Variants in CACNA1G observed in about 807,000 individuals in gnomAD.
CACNA1G encodes calcium voltage-gated channel subunit alpha1 G.
A neutral mutation model predicts 219.4 loss-of-function variants in CACNA1G; 67 were observed. That is an observed-to-expected ratio of 0.31 (90% CI 0.25 to 0.37). The LOEUF is 0.37. Among genes scored for constraint, CACNA1G ranks in the 10% least tolerant of loss-of-function variants. CACNA1G has a pLI of 1.00. For synonymous variants in CACNA1G, 1,296 were observed against 1,345.3 expected (o/e 0.96, Z 0.80); for missense variants, 2,380 against 3,231.4 (o/e 0.74, Z 6.39).
intron 9 of CACNA1G, among the ~76,000 whole-genome samples, chr17:50,588,281 C>T (rs951975320): frequency 6.6e-6 from 1 of 152,202 alleles, no homozygotes; most frequent in Non-Finnish European, 1.5e-5. Context: ...GTTCTGAATC[C>T]TGACTGTCTA....
intron 26 of CACNA1G, among the ~76,000 whole-genome samples, chr17:50,612,489 A>T (rs1235180076): frequency 3.3e-5 from 5 of 152,146 alleles, no homozygotes; most frequent in Non-Finnish European, 1.5e-5. Flanking sequence ...TGTGGCGTCG[A>T]CCTTCACTCA....
Position 50,621,699 on chromosome 17 carries a change from G to A in CACNA1G, c.5965G>A (p.Glu1989Lys). The A allele has an allele frequency of 6.2e-7, 1 of 1,614,016 alleles. No homozygotes were observed. The highest frequency in any genetic ancestry group is 8.5e-7 in the Non-Finnish European group (1 of 1,179,884). ...AEMEALSLTS[E>K]IVSEPSCSLA... Reference sequence around the variant, plus strand: ...GATGGAGGCTCTGTCTCTGACGTCAGAGATTGTGTCTGAACCGTCCTGCTC... The same window carrying A: ...GATGGAGGCTCTGTCTCTGACGTCAAAGATTGTGTCTGAACCGTCCTGCTC... The change falls in exon 35 of 38, where the codon GAG becomes AAG. Residue 1989 changes from glutamate (E) to lysine (K), a missense_variant. Glu to Lys is a moderately conservative substitution (Grantham distance 56, BLOSUM62 1). Coordinates refer to ENST00000359106, the MANE Select transcript of CACNA1G (RefSeq NM_018896.5). The surrounding 1 kb of genome is among the most constrained non-coding windows in gnomAD (Gnocchi z 4.6).
chr17:50,623,263 ATTTTTTTTTTT>A (rs35058899), intron 35 of CACNA1G, among the ~76,000 whole-genome samples: 3 of 50,980 alleles, frequency 5.9e-5, no homozygotes, highest in Non-Finnish European at 9.5e-5. Context: ...TATCCAGCTA[ATTTTTTTTTTT>A]TTTTTTTTTT....
rs192174980 is a variant in CACNA1G at position 50,567,363 on chromosome 17, G to A, written c.243-1507G>A. Reference sequence around the variant, plus strand: ...GTGAGTCTAGGGGAGAAGGGCCTGGGTGGTGGAGAAGAGACAGGGGAGGGC... The same window carrying A: ...GTGAGTCTAGGGGAGAAGGGCCTGGATGGTGGAGAAGAGACAGGGGAGGGC... On this transcript the variant is annotated intron_variant, in intron 1 of 37. Transcript: ENST00000359106. Among the ~76,000 whole-genome samples, 498 of 152,280 alleles carry A rather than the reference G, an allele frequency of 3.3e-3. 1 individual carries two copies. Among genetic ancestry groups the A allele is most frequent in the African/African-American group, 9.9e-3 (411 of 41,546 alleles).
chr17:50,619,703 C>T lies in CACNA1G; in HGVS notation c.5802C>T (p.Thr1934=). 1 of 1,610,534 alleles carries T rather than the reference C, an allele frequency of 6.2e-7. No homozygotes were observed. The highest frequency in any genetic ancestry group is 1.7e-4 in the Middle Eastern group (1 of 6,056). The change falls in exon 34 of 38, where the codon ACC becomes ACT. Residue 1934 remains threonine (T), a synonymous_variant. Coordinates refer to ENST00000359106, the MANE Select transcript of CACNA1G (RefSeq NM_018896.5). ...CCCAGGACAGGCAGCTGTTTGACAC[C>T]ATATCCCTGCTGATCCAGGGCTCCC... ...EHPTDRQLFD[T]ISLLIQGSLE... is the part of the protein sequence containing the mutation.
At chr17:50,594,127 C>A (rs181413685) in intron 13 of CACNA1G, among the ~76,000 whole-genome samples, 4 of 152,328 alleles carry the variant, frequency 2.6e-5, no homozygotes, top group East Asian at 3.9e-4. Flanking sequence ...CCCTGCTGGC[C>A]TTGCTACCTT....
At chr17:50,623,261 T>G (rs1205779916) in intron 35 of CACNA1G, among the ~76,000 whole-genome samples, 2 of 106,610 alleles carry the variant, frequency 1.9e-5, no homozygotes, top group African/African-American at 7.9e-5. Flanking sequence ...CATATCCAGC[T>G]AATTTTTTTT....
intron 9 of CACNA1G, among the ~76,000 whole-genome samples, chr17:50,589,321 C>T (rs1023407909): frequency 2.5e-4 from 38 of 152,234 alleles, no homozygotes; most frequent in African/African-American, 8.4e-4. Context: ...CTGCCTCTCT[C>T]CCAACTAAGC....
chr17:50,595,626 C>T (rs2045385491), intron 14 of CACNA1G, among the ~76,000 whole-genome samples: 1 of 152,272 alleles, frequency 6.6e-6, no homozygotes, highest in South Asian at 2.1e-4. Context: ...CTTCATCACC[C>T]ACTTGGGTCC....
At chr17:50,616,599 G>C (rs941430169) in intron 28 of CACNA1G, among the ~76,000 whole-genome samples, 3 of 152,118 alleles carry the variant, frequency 2.0e-5, no homozygotes, top group Non-Finnish European at 4.4e-5. Flanking sequence ...GACAAGACAG[G>C]GCCTGGGGGA....
At chr17:50,582,628 C>T (rs1172875836) in intron 9 of CACNA1G, among the ~76,000 whole-genome samples, 1 of 152,130 alleles carries the variant, frequency 6.6e-6, no homozygotes, top group African/African-American at 2.4e-5. Flanking sequence ...TGGGGCCAGA[C>T]CTCTCCAGGA....
rs1370311538 is a variant in CACNA1G, at chr17:50,609,834, A to G, written c.4706-48A>G. 5 of 1,580,282 alleles carry G rather than the reference A, an allele frequency of 3.2e-6. No homozygotes were observed. The African/African-American group carries it at 6.7e-5, about 21-fold the overall frequency. ...AAGCCGCCCCTGAGGGGCCCTGCCC[A>G]GCGCACCTGGTCCGGCCAGTGACCA... On this transcript the variant is annotated intron_variant, in intron 25 of 37. Coordinates refer to ENST00000359106, the MANE Select transcript of CACNA1G (RefSeq NM_018896.5).
intron 25 of CACNA1G, 69 bp from the exon 26 acceptor site, chr17:50,609,813 C>T (rs944439895): frequency 2.9e-5 from 41 of 1,437,220 alleles, no homozygotes; most frequent in South Asian, 7.0e-5. Context: ...GAGGGGAAGC[C>T]GCCCCTGAGG....
intron 7 of CACNA1G, among the ~76,000 whole-genome samples, chr17:50,574,427 G>T (rs1191365948): frequency 6.6e-6 from 1 of 152,254 alleles, no homozygotes; most frequent in African/African-American, 2.4e-5. Context: ...ACCTCATTCT[G>T]CCTGCGTAAC....
At chr17:50,561,912 A>G (rs1407106393) in intron 1 of CACNA1G, 1 of 208,448 alleles carries the variant, frequency 4.8e-6, no homozygotes, top group African/African-American at 3.4e-5. Flanking sequence ...GGCTTACCCC[A>G]CCTGCGTACA....
At position 50,569,311 on chromosome 17, in the gene CACNA1G, G is replaced by A; in HGVS notation, c.488+13G>A. ...TCGTCATCGCAGGGTGAGGACCTGG[G>A]CTGGGGTGGGAGAGCAATGGATCAG... On this transcript the variant is annotated intron_variant, in intron 3 of 37. Transcript: ENST00000359106. 6.2e-7 allele frequency: 1 copy of A among 1,613,218 alleles called. No individual in the cohort carries two copies. The highest frequency in any genetic ancestry group is 8.5e-7 in the Non-Finnish European group (1 of 1,179,772).
At chr17:50,605,772 C>T in intron 22 of CACNA1G, 126 bp from the exon 23 acceptor site, 1 of 965,964 alleles carries the variant, frequency 1.0e-6, no homozygotes, top group Non-Finnish European at 1.6e-6. Flanking sequence ...ACTTGACTGG[C>T]CCCAGAGCAG....
rs147371759 is a variant in CACNA1G, at chr17:50,590,485, C to T, written c.2316C>T (p.Thr772=). The change falls in exon 10 of 38, where the codon ACC becomes ACT. Residue 772 remains threonine, a synonymous_variant. Transcript: ENST00000359106. ...IEYHEQPEEL[T]NALEISNIVF... is the part of the protein sequence containing the mutation. ...CTGCCCTGCAGCCCGAGGAGCTTAC[C>T]AACGCCCTAGAAATCAGCAACATCG... The T allele has an allele frequency of 2.2e-5, 35 of 1,613,886 alleles. 1 individual carries two copies. In the African/African-American group the frequency reaches 3.3e-4, roughly 15 times the overall value.
chr17:50,565,226 C>G (rs1024343094), intron 1 of CACNA1G, among the ~76,000 whole-genome samples: 1 of 152,234 alleles, frequency 6.6e-6, no homozygotes, highest in Non-Finnish European at 1.5e-5. Context: ...CGGGCCGTCT[C>G]TCTTGTGTCT....
Sources: allele counts gnomAD v4.1 joint callset (sites outside exome capture counted in the v4.1 genomes callset), GRCh38; gene constraint gnomAD v4.1.1; non-coding constraint Gnocchi (gnomAD v3.1); transcripts MANE v1.5; gene names NCBI Gene and HGNC (gene_info 2026-07-23, HGNC 2026-07-21).